Variants in PLCB4 observed in about 807,000 individuals in gnomAD.
PLCB4 encodes 1-phosphatidylinositol 4,5-bisphosphate phosphodiesterase beta-4.
Under a neutral mutation model 178.8 loss-of-function variants are expected in PLCB4, and 77 were observed. The observed-to-expected ratio is 0.43, with a 90% CI of 0.36 to 0.52. The LOEUF is 0.52. PLCB4 is among the 20% of genes least tolerant of loss of function. The probability of loss-of-function intolerance (pLI) is 0.00; values close to 1 mark genes in which losing one functional copy is unlikely to be tolerated. For missense variants in PLCB4, 1,024 were observed against 1,453.4 expected (o/e 0.70, Z 4.80); for synonymous variants, 496 against 490.8 (o/e 1.01, Z -0.14).
intron 28 of PLCB4, among the ~76,000 whole-genome samples, chr20:9,424,296 T>G (rs1053458386): frequency 6.6e-6 from 1 of 152,164 alleles, no homozygotes; most frequent in East Asian, 1.9e-4. Context: ...ACCATAGATA[T>G]CTTATCAATA....
chr20:9,285,928 C>G (rs1275958774), intron 3 of PLCB4, among the ~76,000 whole-genome samples: 1 of 151,998 alleles, frequency 6.6e-6, no homozygotes, highest in East Asian at 1.9e-4. Context: ...TAGACATCAT[C>G]TTTTCTATCT....
chr20:9,382,618 G>A (rs1018669859), intron 13 of PLCB4, among the ~76,000 whole-genome samples: 1 of 152,144 alleles, frequency 6.6e-6, no homozygotes, highest in Non-Finnish European at 1.5e-5. Flanking sequence ...CTGGACTGGT[G>A]TTTCCTGGGT....
At chr20:9,425,614 G>A (rs936704440) in intron 28 of PLCB4, among the ~76,000 whole-genome samples, 2 of 152,334 alleles carry the variant, frequency 1.3e-5, no homozygotes, top group East Asian at 1.9e-4. Context: ...TAAGTATTTA[G>A]CCAAATTAAT....
chr20:9,470,487 T>G (rs142393798), intron 36 of PLCB4, among the ~76,000 whole-genome samples: 1 of 152,324 alleles, frequency 6.6e-6, no homozygotes, highest in African/African-American at 2.4e-5. Flanking sequence ...TTGAACTGTT[T>G]TAGACTATCC....
chr20:9,086,285 A>G (rs6118478), intron 1 of PLCB4, among the ~76,000 whole-genome samples: 71,454 of 151,804 alleles, frequency 0.47, 17,560 homozygotes, highest in Middle Eastern at 0.57. Flanking sequence ...CAACTACAGC[A>G]TCGGTATATT....
intron 2 of PLCB4, among the ~76,000 whole-genome samples, chr20:9,199,043 C>A (rs2093508013): frequency 6.6e-6 from 1 of 152,098 alleles, no homozygotes; most frequent in African/African-American, 2.4e-5. Context: ...TAAGGTTGGT[C>A]TATACTCTTA....
In PLCB4 at chr20:9,356,711, A is replaced by T. The variant is rs1392087967; in HGVS notation, c.370-6185A>T. On this transcript the variant is annotated intron_variant, in intron 7 of 39. Transcript: ENST00000378473. ...AGTCAAAAACTATATTTCAAATTATATACATTCCTGACATATTATTTGAGC... is the reference window on the plus strand; with the variant it reads ...AGTCAAAAACTATATTTCAAATTATTTACATTCCTGACATATTATTTGAGC... 2.6e-5 allele frequency among the ~76,000 whole-genome samples: 4 copies of T among 152,226 alleles called. No homozygotes were observed. The East Asian group carries it at 7.7e-4, about 29-fold the overall frequency.
intron 2 of PLCB4, among the ~76,000 whole-genome samples, chr20:9,114,768 G>A (rs2091720759): frequency 6.6e-6 from 1 of 152,142 alleles, no homozygotes; most frequent in Non-Finnish European, 1.5e-5. Context: ...TGGCACCTGG[G>A]GAGGATTAAC....
chr20:9,411,425 A>C (rs6056602), intron 25 of PLCB4, among the ~76,000 whole-genome samples: 22,787 of 152,174 alleles, frequency 0.15, 2,845 homozygotes, highest in African/African-American at 0.32. Context: ...AGATGTAGGC[A>C]TTAAATATGT....
At chr20:9,276,338 C>T (rs957065257) in intron 3 of PLCB4, among the ~76,000 whole-genome samples, 1 of 151,944 alleles carries the variant, frequency 6.6e-6, no homozygotes, top group African/African-American at 2.4e-5. Flanking sequence ...ATGGGCCATG[C>T]CCAGATGCGA....
Position 9,421,446 on chromosome 20 carries a change from A to G in PLCB4, c.2304A>G (p.Ser768=), listed in dbSNP as rs779597648. The G allele has an allele frequency of 1.2e-6, 2 of 1,613,058 alleles. No homozygotes were observed. Among genetic ancestry groups the G allele is most frequent in the Non-Finnish European group, 1.7e-6 (2 of 1,179,390 alleles). Residue 768 remains serine, a synonymous_variant, in exon 27 of 40, where the codon TCA becomes TCG. Transcript: ENST00000378473. ...NGLNPVYNEE[S]FVFRKVILPD... ...TCAATCCAGTTTACAATGAAGAGTC[A>G]TTTGTATTTCGGAAGGTAGGACATT...
intron 2 of PLCB4, among the ~76,000 whole-genome samples, chr20:9,157,286 G>C (rs751687654): frequency 1.3e-5 from 2 of 151,282 alleles, no homozygotes; most frequent in African/African-American, 4.9e-5. Flanking sequence ...TTTTCAAAAA[G>C]TCTCATTGCA....
intron 12 of PLCB4, among the ~76,000 whole-genome samples, chr20:9,378,497 A>T (rs2036865637): frequency 6.6e-6 from 1 of 152,130 alleles, no homozygotes; most frequent in Non-Finnish European, 1.5e-5. Flanking sequence ...TTCCTTGAGT[A>T]GTGGGCTCCA....
At chr20:9,280,643 A>G (rs530872058) in intron 3 of PLCB4, among the ~76,000 whole-genome samples, 48 of 151,996 alleles carry the variant, frequency 3.2e-4, no homozygotes, top group Non-Finnish European at 5.3e-4. Context: ...TTGATTTTGT[A>G]CTATGAACCT....
intron 7 of PLCB4, among the ~76,000 whole-genome samples, chr20:9,355,993 C>G (rs994379982): frequency 6.6e-6 from 1 of 152,186 alleles, no homozygotes; most frequent in Non-Finnish European, 1.5e-5. Flanking sequence ...GCCATTCTAA[C>G]TGGTGTGAGA....
chr20:9,152,205 T>G (rs2092703271), intron 2 of PLCB4, among the ~76,000 whole-genome samples: 1 of 152,130 alleles, frequency 6.6e-6, no homozygotes, highest in African/African-American at 2.4e-5. Flanking sequence ...AAAAACCCAT[T>G]TTCTGGGGAG....
At chr20:9,397,875 C>T (rs1055880147) in intron 19 of PLCB4, among the ~76,000 whole-genome samples, 7 of 152,174 alleles carry the variant, frequency 4.6e-5, no homozygotes, top group Admixed American at 3.3e-4. Flanking sequence ...TTCTGTGGGT[C>T]ATGTGGGCTT....
At chr20:9,069,407 T>A (rs2146448851) in intron 1 of PLCB4, among the ~76,000 whole-genome samples, 1 of 152,260 alleles carries the variant, frequency 6.6e-6, no homozygotes, top group South Asian at 2.1e-4. Context: ...CCCCTTCCCC[T>A]GCAGTCATCG....
At chr20:9,103,541 G>C (rs968233328) in intron 2 of PLCB4, among the ~76,000 whole-genome samples, 1 of 151,962 alleles carries the variant, frequency 6.6e-6, no homozygotes, top group Non-Finnish European at 1.5e-5. Flanking sequence ...CATGATGAAG[G>C]CTCTGGAAAA....
Sources: allele counts gnomAD v4.1 joint callset (sites outside exome capture counted in the v4.1 genomes callset), GRCh38; gene constraint gnomAD v4.1.1; transcripts MANE v1.5; gene names NCBI Gene and HGNC (gene_info 2026-07-23, HGNC 2026-07-21).